Variants in DMD observed in about 807,000 individuals in gnomAD.
The protein encoded by DMD is dystrophin.
A neutral mutation model predicts 330.1 loss-of-function variants in DMD; 63 were observed. That is an observed-to-expected ratio of 0.19 (90% CI 0.16 to 0.24). The LOEUF (loss-of-function observed/expected upper bound fraction) is 0.24. Ranked by LOEUF, DMD falls within the 10% of genes least tolerant of loss-of-function variation. DMD has a pLI of 1.00. For missense variants in DMD, 3,344 were observed against 2,684.1 expected, an observed-to-expected ratio of 1.25 and a Z score of -5.43; for synonymous variants, 1,223 against 959.8, an observed-to-expected ratio of 1.27 and a Z score of -5.07.
chrX:33,281,717 A>G (rs1216118139), intron 1 of DMD, among the ~76,000 whole-genome samples: 1 of 109,664 alleles, frequency 9.1e-6, no homozygotes, highest in Non-Finnish European at 1.9e-5. Context: ...GCAGGTATTT[A>G]CCATACGTAG....
chrX:31,922,432 G>A (rs1382653937), intron 47 of DMD, among the ~76,000 whole-genome samples: 1 of 111,470 alleles, frequency 9.0e-6, no homozygotes, highest in African/African-American at 3.3e-5. Context: ...CCAAAGAGAG[G>A]GTCATGGGAA....
intron 41 of DMD, among the ~76,000 whole-genome samples, chrX:32,336,109 TTATA>T (rs777417906): frequency 9.1e-6 from 1 of 109,866 alleles, no homozygotes; most frequent in Non-Finnish European, 1.9e-5. Flanking sequence ...TACGTACATG[TTATA>T]TATGTTATAT....
chrX:33,206,798 C>T (rs2051598009), intron 1 of DMD, among the ~76,000 whole-genome samples: 1 of 111,222 alleles, frequency 9.0e-6, no homozygotes, highest in Non-Finnish European at 1.9e-5. Context: ...AGAGGGAGTA[C>T]TGATCTTTGT....
At chrX:31,785,889 T>TAAAC (rs1197245973) in intron 50 of DMD, among the ~76,000 whole-genome samples, 1 of 112,151 alleles carries the variant, frequency 8.9e-6, no homozygotes, top group Non-Finnish European at 1.9e-5. Flanking sequence ...TTTGCTATTG[T>TAAAC]AAACAGTGCT....
chrX:32,732,414 C>A (rs1336795785), intron 7 of DMD, among the ~76,000 whole-genome samples: 1 of 110,171 alleles, frequency 9.1e-6, no homozygotes, highest in South Asian at 3.9e-4. Context: ...ACAGAGAATG[C>A]CACAAAGATA....
intron 2 of DMD, among the ~76,000 whole-genome samples, chrX:32,917,545 A>T (rs1365285669): frequency 8.9e-6 from 1 of 111,806 alleles, no homozygotes; most frequent in Non-Finnish European, 1.9e-5. Flanking sequence ...TGCTTTTTCA[A>T]CTGGTAGTTG....
At chrX:31,915,310 T>A (rs1042811268) in intron 47 of DMD, among the ~76,000 whole-genome samples, 1 of 112,178 alleles carries the variant, frequency 8.9e-6, no homozygotes, top group Non-Finnish European at 1.9e-5. Context: ...AGTATTATAT[T>A]GAGAATAGTA....
chrX:32,537,296 A>G (rs1393824512), intron 17 of DMD, among the ~76,000 whole-genome samples: 2 of 111,843 alleles, frequency 1.8e-5, no homozygotes, highest in African/African-American at 6.5e-5. Context: ...AGAGGTAGAA[A>G]TATCAATTTG....
At chrX:32,189,755 G>A (rs2096963893) in intron 44 of DMD, among the ~76,000 whole-genome samples, 1 of 110,696 alleles carries the variant, frequency 9.0e-6, no homozygotes, top group South Asian at 3.8e-4. Context: ...CCTGCCAAAG[G>A]TCACGTGGGT....
intron 60 of DMD, among the ~76,000 whole-genome samples, chrX:31,430,616 G>T (rs914817568): frequency 3.6e-5 from 4 of 110,178 alleles, no homozygotes; most frequent in Non-Finnish European, 7.6e-5. Flanking sequence ...TGAGATGCAT[G>T]ATCAATGAAG....
chrX:31,774,504 T>C, intron 50 of DMD, among the ~76,000 whole-genome samples: 1 of 111,812 alleles, frequency 8.9e-6, no homozygotes, highest in Non-Finnish European at 1.9e-5. Flanking sequence ...TCAGTAACAA[T>C]CATATACATT....
intron 62 of DMD, among the ~76,000 whole-genome samples, chrX:31,323,147 G>A (rs2056543394): frequency 8.9e-6 from 1 of 112,052 alleles, no homozygotes; most frequent in Admixed American, 9.5e-5. Flanking sequence ...ACGAGTCGAG[G>A]ACTGCTGCTT....
rs760675087 is a variant in DMD, at chrX:31,727,830, A to G, written c.7660+1801T>C. Among the ~76,000 whole-genome samples, 4 of 112,589 alleles carry G rather than the reference A, an allele frequency of 3.6e-5. No individual in the cohort carries two copies. The South Asian group carries it at 1.5e-3, about 41-fold the overall frequency. The stretch of plus-strand genomic sequence containing the variant: ...CAGCCTATTTTAATTAGCAATCACT[A>G]CAACTGAAAGAAGACATGTCTTTAG... On this transcript the variant is annotated intron_variant, in intron 52 of 78. Coordinates refer to ENST00000357033, the MANE Select transcript of DMD (RefSeq NM_004006.3).
chrX:31,922,528 G>A (rs1404677430), intron 47 of DMD, among the ~76,000 whole-genome samples: 15 of 110,094 alleles, frequency 1.4e-4, no homozygotes, highest in South Asian at 1.2e-3. Flanking sequence ...GTGTGTGTGC[G>A]CGCGCGTGCG....
At chrX:31,970,895 A>G (rs1335463185) in intron 44 of DMD, among the ~76,000 whole-genome samples, 1 of 111,869 alleles carries the variant, frequency 8.9e-6, no homozygotes, top group Non-Finnish European at 1.9e-5. Context: ...GATGTCAGGG[A>G]GGTATTTAGA....
intron 47 of DMD, among the ~76,000 whole-genome samples, chrX:31,922,825 A>G (rs939165011): frequency 3.6e-5 from 4 of 111,961 alleles, no homozygotes; most frequent in African/African-American, 1.3e-4. Flanking sequence ...ATTCTTATAT[A>G]CTATTGTCAT....
chrX:32,438,827 T>C (rs1301770858), intron 28 of DMD, among the ~76,000 whole-genome samples: 1 of 111,744 alleles, frequency 8.9e-6, no homozygotes, highest in East Asian at 2.8e-4. Flanking sequence ...ATCTTTGCAC[T>C]GGGAGGCAAT....
chrX:32,024,302 T>C (rs1002634662), intron 44 of DMD, among the ~76,000 whole-genome samples: 6 of 109,268 alleles, frequency 5.5e-5, no homozygotes, highest in African/African-American at 1.7e-4. Context: ...CTGGTCAACA[T>C]GGTGAAGCCC....
chrX:33,321,206 C>T (rs1479235355), intron 1 of DMD, among the ~76,000 whole-genome samples: 1 of 111,367 alleles, frequency 9.0e-6, no homozygotes, highest in Non-Finnish European at 1.9e-5. Context: ...TTTCAATTTC[C>T]TTTGCTCATA....
Sources: allele counts gnomAD v4.1 joint callset (sites outside exome capture counted in the v4.1 genomes callset), GRCh38; gene constraint gnomAD v4.1.1; transcripts MANE v1.5; gene names NCBI Gene and HGNC (gene_info 2026-07-23, HGNC 2026-07-21).